ZNF880: variants seen among roughly 807,000 people sequenced by gnomAD.
The protein encoded by ZNF880 is zinc finger protein 880.
A neutral mutation model predicts 11.8 loss-of-function variants in ZNF880; 12 were observed. The ratio of observed to expected loss-of-function variants is 1.02; its 90% CI spans 0.65 to 1.65. ZNF880 has a LOEUF of 1.65. ZNF880 is among the 40% of genes most tolerant of loss of function. ZNF880 has a pLI of 0.00. For synonymous variants in ZNF880, 210 were observed against 232.4 expected, an observed-to-expected ratio of 0.90 and a Z score of 0.88; for missense variants, 601 against 673.9, an observed-to-expected ratio of 0.89 and a Z score of 1.20.
chr19:52,384,636 C>T lies in ZNF880; in HGVS notation c.1056C>T (p.Tyr352=), dbSNP rs1425838560. Reference sequence around the variant, plus strand: ...TAATTCACACTGGAGAGAAACTTTACAAATGTAATAAATGTGGCAAGGTCT... The same window carrying T: ...TAATTCACACTGGAGAGAAACTTTATAAATGTAATAAATGTGGCAAGGTCT... ...HLVIHTGEKL[Y]KCNKCGKVFN... Residue 352 remains tyrosine, a synonymous_variant, in exon 4 of 4, where the codon TAC becomes TAT. Coordinates refer to ENST00000422689, the MANE Select transcript of ZNF880 (RefSeq NM_001145434.2). The T allele has an allele frequency of 6.2e-7, 1 of 1,612,114 alleles. No homozygotes were observed. Among genetic ancestry groups the T allele is most frequent in the Middle Eastern group, 1.6e-4 (1 of 6,062 alleles).
chr19:52,374,595 C>T (rs745418921), intron 3 of ZNF880, 168 bp downstream of exon 3: 29 of 873,636 alleles, frequency 3.3e-5, no homozygotes, highest in African/African-American at 6.7e-5. Context: ...CCTCTGCTTC[C>T]GAAAGTGGTG....
In ZNF880 at chr19:52,384,033, T is replaced by C. The variant is rs1349151878; in HGVS notation, c.453T>C (p.Ser151=). Residue 151 remains serine (S), a synonymous_variant, in exon 4 of 4, where the codon TCT becomes TCC. Transcript: ENST00000422689. ...SLVSPLQKIY[S]SVKSHILNKY... is the part of the protein sequence containing the mutation. ...TTTCACCACTTCAAAAAATTTATTCTAGTGTCAAATCCCACATTTTAAATA... is the reference window on the plus strand; with the variant it reads ...TTTCACCACTTCAAAAAATTTATTCCAGTGTCAAATCCCACATTTTAAATA... 16 of 1,556,336 alleles carry C rather than the reference T, an allele frequency of 1.0e-5. No homozygotes were observed. The highest frequency in any genetic ancestry group is 1.4e-5 in the Non-Finnish European group (16 of 1,149,602).
chr19:52,369,970 T>G lies in ZNF880; in HGVS notation c.5T>G (p.Leu2Arg), dbSNP rs1268861809. The G allele has an allele frequency of 2.3e-5, 36 of 1,551,648 alleles. No individual in the cohort carries two copies. Among genetic ancestry groups the G allele is most frequent in the Non-Finnish European group, 3.1e-5 (36 of 1,146,990 alleles). Residue 2 changes from leucine to arginine, a missense_variant, in exon 1 of 4, where the codon CTG becomes CGG. Transcript: ENST00000422689. Reference sequence around the variant, plus strand: ...AGATTACGTGGAGTGACGGTCATGCTGCGGCGTGTGAGTTTCCCTTTGTTT... The same window carrying G: ...AGATTACGTGGAGTGACGGTCATGCGGCGGCGTGTGAGTTTCCCTTTGTTT... M[L>R]RRGHLAFRDV... is the part of the protein sequence containing the mutation.
intron 3 of ZNF880, chr19:52,379,512 C>T (rs547541991): frequency 4.0e-5 from 18 of 446,558 alleles, no homozygotes; most frequent in East Asian, 1.4e-4. Flanking sequence ...TCTTCTGCAT[C>T]GGCCTCCCCA....
chr19:52,368,237 CAATTTCTTTTTGT>C (rs1986217166), upstream of ZNF880, among the ~76,000 whole-genome samples: 1 of 149,982 alleles, frequency 6.7e-6, no homozygotes, highest in Middle Eastern at 3.2e-3. Flanking sequence ...TACTGTAACA[CAATTTCTTTTTGT>C]ACTTCTAGTG....
chr19:52,385,608 G>T lies in ZNF880; in HGVS notation c.*294G>T, dbSNP rs1006422533. 6.5e-5 allele frequency: 17 copies of T among 261,942 alleles called. 4 individuals are homozygous for T. The highest frequency in any genetic ancestry group is 6.1e-4 in the African/African-American group (17 of 27,976). The allele number at this position is 261,942 out of a possible 1,614,324, so 16.2% of individuals were successfully genotyped here. ...GGACCATTACTATGGAACATGATAA[G>T]ATTTACACAAGCGATAATTCAGTCT... is the stretch of plus-strand genomic sequence containing the variant. On this transcript the variant is annotated 3_prime_UTR_variant, in exon 4 of 4. Transcript: ENST00000422689.
chr19:52,371,784 G>A (rs1986380562), intron 1 of ZNF880, among the ~76,000 whole-genome samples: 1 of 152,196 alleles, frequency 6.6e-6, no homozygotes, highest in Non-Finnish European at 1.5e-5. Context: ...CTGAGAAAGA[G>A]TTGTCTCTTC....
chr19:52,373,669 ATTT>A (rs35788651), intron 2 of ZNF880, among the ~76,000 whole-genome samples: 1 of 102,578 alleles, frequency 9.7e-6, no homozygotes, highest in Non-Finnish European at 1.9e-5. Flanking sequence ...AAATACTGTA[ATTT>A]TTTTTTTTTT....
intron 1 of ZNF880, among the ~76,000 whole-genome samples, chr19:52,372,909 C>CAAA (rs201869014): frequency 7.3e-4 from 51 of 69,854 alleles, no homozygotes; most frequent in African/African-American, 9.5e-4. Context: ...GACTCCGTCT[C>CAAA]AAAAAAAAAA....
chr19:52,371,010 G>C (rs189924829), intron 1 of ZNF880, among the ~76,000 whole-genome samples: 74 of 152,350 alleles, frequency 4.9e-4, no homozygotes, highest in Admixed American at 4.7e-3. Context: ...TAGAGTATAT[G>C]TGTGTGAATG....
At chr19:52,371,800 G>T (rs940805711) in intron 1 of ZNF880, among the ~76,000 whole-genome samples, 3 of 152,170 alleles carry the variant, frequency 2.0e-5, no homozygotes, top group Non-Finnish European at 4.4e-5. Flanking sequence ...TCTTCAATAG[G>T]ATGGGAACAG....
At chr19:52,379,085 T>G (rs910833752) in intron 3 of ZNF880, among the ~76,000 whole-genome samples, 4 of 145,636 alleles carry the variant, frequency 2.7e-5, no homozygotes, top group Admixed American at 7.1e-5. Context: ...GAAAAAAAAA[T>G]AAGAAGAAAA....
At chr19:52,378,220 G>A (rs1011729855) in intron 3 of ZNF880, among the ~76,000 whole-genome samples, 2 of 152,142 alleles carry the variant, frequency 1.3e-5, no homozygotes, top group Non-Finnish European at 2.9e-5. Context: ...ACCAATGTAT[G>A]CATTTCTTAT....
intron 1 of ZNF880, among the ~76,000 whole-genome samples, chr19:52,371,383 C>G (rs1422665108): frequency 6.6e-6 from 1 of 150,580 alleles, no homozygotes; most frequent in Non-Finnish European, 1.5e-5. Context: ...TGGAGTCTCT[C>G]TTTGTCACCC....
At chr19:52,372,766 T>C (rs376788852) in intron 1 of ZNF880, among the ~76,000 whole-genome samples, 49 of 147,520 alleles carry the variant, frequency 3.3e-4, no homozygotes, top group African/African-American at 8.4e-4. Context: ...AAAAATTAGC[T>C]GGGCGTGGTG....
intron 3 of ZNF880, 54 bp downstream of exon 3, chr19:52,374,481 C>T (rs74362304): frequency 6.5e-7 from 1 of 1,543,610 alleles, no homozygotes; most frequent in Non-Finnish European, 8.8e-7. Flanking sequence ...TTTTTTTAAA[C>T]AGGGTCTTGC....
chr19:52,395,280 A>AT, the ZNF880 span, among the ~76,000 whole-genome samples: 1 of 151,884 alleles, frequency 6.6e-6, no homozygotes, highest in Non-Finnish European at 1.5e-5. Flanking sequence ...AATAGTAGTG[A>AT]TAAGAGGGGA....
At chr19:52,377,938 T>C (rs162129) in intron 3 of ZNF880, among the ~76,000 whole-genome samples, 105,254 of 152,058 alleles carry the variant, frequency 0.69, 37,269 homozygotes, top group African/African-American at 0.83. Context: ...CTCCGCCTCC[T>C]GGTTCAAGTG....
At chr19:52,378,985 G>A (rs960423684) in intron 3 of ZNF880, among the ~76,000 whole-genome samples, 1 of 152,080 alleles carries the variant, frequency 6.6e-6, no homozygotes, top group African/African-American at 2.4e-5. Context: ...TGAGGTGGGA[G>A]AATCACCTGA....
Sources: allele counts gnomAD v4.1 joint callset (sites outside exome capture counted in the v4.1 genomes callset), GRCh38; gene constraint gnomAD v4.1.1; transcripts MANE v1.5; gene names NCBI Gene and HGNC (gene_info 2026-07-23, HGNC 2026-07-21).